The following ANXA9 variants were observed in gnomAD, a reference collection of about 807,000 sequenced individuals.
ANXA9 encodes the protein annexin A9.
In ANXA9, 47 loss-of-function variants were observed where a neutral mutation model predicts 51.8. The observed-to-expected ratio is 0.91, with a 90% CI of 0.72 to 1.16. ANXA9 has a LOEUF of 1.16. Ranked by LOEUF, ANXA9 falls within the 50% of genes most tolerant of loss-of-function variation. The pLI, the probability that ANXA9 is intolerant of heterozygous loss-of-function variation, is 0.00. For missense variants in ANXA9, 361 were observed against 424.7 expected, an observed-to-expected ratio of 0.85 and a Z score of 1.32; for synonymous variants, 154 against 168.7, an observed-to-expected ratio of 0.91 and a Z score of 0.68.
intron 7 of ANXA9, among the ~76,000 whole-genome samples, chr1:150,985,221 A>C (rs587629246): frequency 2.1e-4 from 30 of 141,980 alleles, no homozygotes; most frequent in Non-Finnish European, 3.8e-4. Context: ...CACACACACA[A>C]ATAAAGAGAG....
upstream of ANXA9, among the ~76,000 whole-genome samples, chr1:150,978,050 TG>T (rs1671364912): frequency 1.3e-5 from 2 of 152,002 alleles, no homozygotes; most frequent in South Asian, 4.2e-4. Context: ...GCAGGAGAAT[TG>T]CTTGAACCTA....
chr1:150,983,137 C>T lies in ANXA9; in HGVS notation c.32C>T (p.Ser11Phe). Reference protein sequence around the residue: MSVTGGKMAPSLTQEILSHLG... With the variant: MSVTGGKMAPFLTQEILSHLG... ...GTGACTGGCGGGAAGATGGCACCGT[C>T]CCTCACCCAGGAGATCCTCAGCCAC... The change falls in exon 3 of 14, where the codon TCC becomes TTC. Residue 11 changes from serine (S) to phenylalanine (F), a missense_variant. Ser to Phe is a radical substitution (Grantham distance 155). Coordinates refer to ENST00000368947, the MANE Select transcript of ANXA9 (RefSeq NM_003568.3). The T allele has an allele frequency of 6.2e-7, 1 of 1,614,062 alleles. No homozygotes were observed. The highest frequency in any genetic ancestry group is 1.1e-5 in the South Asian group (1 of 91,080).
At chr1:150,979,000 C>G (rs1671375766), upstream of ANXA9, among the ~76,000 whole-genome samples, 1 of 151,788 alleles carries the variant, frequency 6.6e-6, no homozygotes, top group South Asian at 2.1e-4. Flanking sequence ...ATTAGATCCT[C>G]TCTAAGATTT....
At chr1:150,985,898 C>T (rs587625526) in intron 7 of ANXA9, among the ~76,000 whole-genome samples, 17 of 152,098 alleles carry the variant, frequency 1.1e-4, no homozygotes, top group Admixed American at 2.0e-4. Context: ...CTCCTACCTT[C>T]CTTCCTTCTT....
upstream of ANXA9, chr1:150,982,288 T>C (rs587726235): frequency 6.5e-6 from 1 of 152,748 alleles, no homozygotes; most frequent in East Asian, 1.9e-4. Flanking sequence ...ACACCCCCAC[T>C]TTCCTCTACC....
intron 12 of ANXA9, among the ~76,000 whole-genome samples, chr1:150,990,922 A>T (rs1671681155): frequency 6.6e-6 from 1 of 152,114 alleles, no homozygotes; most frequent in South Asian, 2.1e-4. Flanking sequence ...AGGCGGGCGG[A>T]TCACGAGGTC....
At chr1:150,991,778 CTTTTT>C (rs34611396) in intron 12 of ANXA9, among the ~76,000 whole-genome samples, 3 of 134,016 alleles carry the variant, frequency 2.2e-5, no homozygotes, top group East Asian at 2.2e-4. Flanking sequence ...TTTTTTTTTT[CTTTTT>C]TAAGATGGAG....
Position 150,984,281 on chromosome 1 carries a change from G to A in ANXA9, c.268G>A (p.Asp90Asn). The A allele has an allele frequency of 6.2e-7, 1 of 1,613,088 alleles. No homozygotes were observed. The highest frequency in any genetic ancestry group is 8.5e-7 in the Non-Finnish European group (1 of 1,179,078). ...SRNFQERTQQ[D>N]LMKSLQAALS... ...CTGCTGTGAGGACCATTTATTGTAG[G>A]ACCTGATGAAGTCTCTACAGGCAGC... Residue 90 changes from aspartate (D) to asparagine (N), a missense_variant and splice_region_variant, in exon 6 of 14, where the codon GAC (aspartate) becomes AAC (asparagine). By Grantham distance (23) the Asp-to-Asn change is conservative. Coordinates refer to ENST00000368947, the MANE Select transcript of ANXA9 (RefSeq NM_003568.3).
At position 150,984,666 on chromosome 1, in the gene ANXA9, C is replaced by G; in HGVS notation, c.462C>G (p.Val154=). The change falls in exon 7 of 14, where the codon GTC becomes GTG. Residue 154 remains valine (V), a synonymous_variant. Coordinates refer to ENST00000368947, the MANE Select transcript of ANXA9 (RefSeq NM_003568.3). ...CCCAGCTGCAGGAGTGCCTGGCAGT[C>G]TACAAACACAGTAAGAATATAGAGG... is the stretch of plus-strand genomic sequence containing the variant. ...TPPQLQECLA[V]YKHNFQVEAV... 1 of 1,613,802 alleles carries G rather than the reference C, an allele frequency of 6.2e-7. No homozygotes were observed. Among genetic ancestry groups the G allele is most frequent in the Non-Finnish European group, 8.5e-7 (1 of 1,179,852 alleles).
rs1350067741 is a variant in ANXA9, at chr1:150,983,440, C to A, written c.172+6C>A. ...GAGGGCCATTACTGGCCAAGGTGAG[C>A]CCCTTTCCCCCGGCACTTGAGACTG... is the stretch of plus-strand genomic sequence containing the variant. On this transcript the variant is annotated splice_donor_region_variant and intron_variant, in intron 4 of 13. Transcript: ENST00000368947. The A allele has an allele frequency of 6.2e-7, 1 of 1,602,578 alleles. No individual in the cohort carries two copies. Among genetic ancestry groups the A allele is most frequent in the African/African-American group, 1.3e-5 (1 of 74,774 alleles).
intron 4 of ANXA9, 82 bp downstream of exon 4, chr1:150,983,516 G>A (rs1671471770): frequency 1.5e-6 from 2 of 1,327,118 alleles, no homozygotes; most frequent in Non-Finnish European, 2.1e-6. Flanking sequence ...GGAGGAACTA[G>A]TGATGTTGGA....
At chr1:150,994,479 C>G in intron 12 of ANXA9, 98 bp from the exon 13 acceptor site, 2 of 1,555,556 alleles carry the variant, frequency 1.3e-6, no homozygotes, top group South Asian at 2.4e-5. Context: ...TGACTCCCAC[C>G]TTGCCTCCCC....
chr1:150,986,380 G>A lies in ANXA9; in HGVS notation c.517G>A (p.Gly173Ser). Residue 173 changes from glycine (G) to serine (S), a missense_variant, in exon 8 of 14, where the codon GGC becomes AGC. Physicochemically the swap from Gly to Ser is moderately conservative, Grantham distance 56. Coordinates refer to ENST00000368947, the MANE Select transcript of ANXA9 (RefSeq NM_003568.3). ...AVDDITSETS[G>S]ILQDLLLALA... ...GGATGACATCACATCTGAGACCAGT[G>A]GCATCTTGCAGGACCTGCTGTTGGC... 6.2e-7 allele frequency: 1 copy of A among 1,614,112 alleles called. No homozygotes were observed. The highest frequency in any genetic ancestry group is 8.5e-7 in the Non-Finnish European group (1 of 1,179,994).
Position 150,995,242 on chromosome 1 carries a change from G to A in ANXA9, c.976-18G>A. ...AGTGGTGGTGGATCTTTCTAACACT[G>A]AATTCCCTTGTCTGCAGGATGCAGT... On this transcript the variant is annotated intron_variant, in intron 13 of 13. Coordinates refer to ENST00000368947, the MANE Select transcript of ANXA9 (RefSeq NM_003568.3). 6.2e-7 allele frequency: 1 copy of A among 1,606,858 alleles called. No individual in the cohort carries two copies. The highest frequency in any genetic ancestry group is 8.5e-7 in the Non-Finnish European group (1 of 1,176,064).
intron 7 of ANXA9, 61 bp downstream of exon 7, chr1:150,984,737 C>T (rs1671506432): frequency 2.9e-6 from 4 of 1,397,354 alleles, no homozygotes; most frequent in Non-Finnish European, 4.0e-6. Flanking sequence ...CAGGCCACTC[C>T]TCTCCTGTAC....
intron 12 of ANXA9, among the ~76,000 whole-genome samples, chr1:150,990,857 T>C (rs1347388869): frequency 1.3e-5 from 2 of 151,284 alleles, no homozygotes; most frequent in Non-Finnish European, 3.0e-5. Context: ...AAAAAATAAA[T>C]AAACAGGCCA....
At chr1:150,995,221 G>C in intron 13 of ANXA9, 39 bp from the exon 14 acceptor site, 4 of 1,592,498 alleles carry the variant, frequency 2.5e-6, no homozygotes, top group Non-Finnish European at 3.4e-6. Flanking sequence ...GGCCATAGTG[G>C]TGGTGGATCT....
At chr1:150,978,324 G>A (rs11204751), upstream of ANXA9, among the ~76,000 whole-genome samples, 29,260 of 151,828 alleles carry the variant, frequency 0.19, 3,402 homozygotes, top group East Asian at 0.28. Flanking sequence ...CAGCTACTCG[G>A]GAGGCTGAGG....
chr1:150,994,463 A>T, intron 12 of ANXA9, 114 bp from the exon 13 acceptor site: 1 of 1,498,772 alleles, frequency 6.7e-7, no homozygotes, highest in Non-Finnish European at 9.1e-7. Flanking sequence ...GTACACTCTT[A>T]TCCCTTGACT....
Sources: gnomAD v4.1 joint callset for allele counts (sites outside exome capture counted in the v4.1 genomes callset) on GRCh38, gnomAD v4.1.1 for gene constraint, MANE v1.5 for transcripts, NCBI Gene and HGNC (gene_info 2026-07-23, HGNC 2026-07-21) for gene names.